Variants in ZBTB20 observed in about 807,000 individuals in gnomAD.
ZBTB20 encodes the protein zinc finger and BTB domain-containing protein 20.
A neutral mutation model predicts 56.9 loss-of-function variants in ZBTB20; 9 were observed. That is an observed-to-expected ratio of 0.16 (90% CI 0.10 to 0.28). ZBTB20 has a LOEUF of 0.28. Among genes scored for constraint, ZBTB20 ranks in the 10% least tolerant of loss-of-function variants. The pLI is 1.00. For missense variants in ZBTB20, 655 were observed against 1,003.0 expected (o/e 0.65, Z 4.69); for synonymous variants, 417 against 420.7 (o/e 0.99, Z 0.11).
At chr3:115,129,820 C>T (rs938593069) in intron 1 of ZBTB20, among the ~76,000 whole-genome samples, 42 of 152,058 alleles carry the variant, frequency 2.8e-4, no homozygotes, top group African/African-American at 9.9e-4. Flanking sequence ...GAAAAATAAA[C>T]GAAGAAATTT....
At chr3:114,800,321 C>G (rs2071621590) in intron 5 of ZBTB20, among the ~76,000 whole-genome samples, 1 of 151,802 alleles carries the variant, frequency 6.6e-6, no homozygotes, top group Admixed American at 6.6e-5. Context: ...GCGTCTGAAT[C>G]TTTTATATGC....
intron 5 of ZBTB20, among the ~76,000 whole-genome samples, chr3:114,694,155 T>C (rs1181178158): frequency 6.6e-6 from 1 of 152,078 alleles, no homozygotes; most frequent in Non-Finnish European, 1.5e-5. Context: ...TAATATTATA[T>C]TCCAAGTCTT....
At chr3:114,591,582 G>T (rs1471307603) in intron 6 of ZBTB20, among the ~76,000 whole-genome samples, 1 of 152,168 alleles carries the variant, frequency 6.6e-6, no homozygotes, top group Admixed American at 6.5e-5. Flanking sequence ...ATGCTCAGGT[G>T]TTTGGTGCTA....
intron 2 of ZBTB20, among the ~76,000 whole-genome samples, chr3:115,058,856 C>A (rs781211856): frequency 6.6e-6 from 1 of 152,148 alleles, no homozygotes; most frequent in Non-Finnish European, 1.5e-5. Flanking sequence ...ATTTGTGTGT[C>A]TGTTTCAATC....
intron 10 of ZBTB20, among the ~76,000 whole-genome samples, chr3:114,374,721 T>C (rs1021986689): frequency 5.3e-5 from 8 of 152,206 alleles, no homozygotes; most frequent in African/African-American, 1.7e-4. Flanking sequence ...TGAATCCAAA[T>C]GAAGCTTTTG....
intron 7 of ZBTB20, among the ~76,000 whole-genome samples, chr3:114,500,099 G>A (rs1045831270): frequency 3.9e-5 from 6 of 152,190 alleles, no homozygotes; most frequent in African/African-American, 1.2e-4. Flanking sequence ...TTTGCAAACA[G>A]CAGCTGCAGC....
intron 2 of ZBTB20, among the ~76,000 whole-genome samples, chr3:115,058,345 T>G (rs576237071): frequency 3.3e-5 from 5 of 152,342 alleles, no homozygotes; most frequent in African/African-American, 1.2e-4. Context: ...TTTAGTATCA[T>G]GTGTCTTGAT....
chr3:114,831,084 C>CT (rs2073813109), intron 4 of ZBTB20, among the ~76,000 whole-genome samples: 1 of 78,670 alleles, frequency 1.3e-5, no homozygotes, highest in African/African-American at 4.5e-5. Flanking sequence ...TGGTTTCTTT[C>CT]TTCTTTTTTT....
chr3:114,972,163 A>C (rs1296060485), intron 3 of ZBTB20, among the ~76,000 whole-genome samples: 1 of 152,212 alleles, frequency 6.6e-6, no homozygotes, highest in Non-Finnish European at 1.5e-5. Flanking sequence ...TTCTAACATT[A>C]GTTGGCAAAA....
chr3:114,518,016 C>T (rs900083366), intron 6 of ZBTB20, among the ~76,000 whole-genome samples: 3 of 152,122 alleles, frequency 2.0e-5, no homozygotes, highest in Non-Finnish European at 4.4e-5. Context: ...ATCTCACAGT[C>T]CGTTCTTTAT....
chr3:114,948,636 CATAGATAG>C (rs370859544), intron 3 of ZBTB20, among the ~76,000 whole-genome samples: 2 of 144,718 alleles, frequency 1.4e-5, no homozygotes, highest in African/African-American at 2.8e-5. Flanking sequence ...CTCTCTGTGT[CATAGATAG>C]ATAGATAGAT....
At chr3:114,886,507 C>T (rs1352191049) in intron 4 of ZBTB20, among the ~76,000 whole-genome samples, 2 of 152,162 alleles carry the variant, frequency 1.3e-5, no homozygotes, top group African/African-American at 2.4e-5. Flanking sequence ...TTACGAAAAA[C>T]ATTTTCTGCA....
chr3:114,644,341 A>C lies in ZBTB20; in HGVS notation c.-295+49187T>G, dbSNP rs187286931. Among the ~76,000 whole-genome samples the C allele has an allele frequency of 1.7e-4, 26 of 152,260 alleles. 1 individual carries two copies. The highest frequency in any genetic ancestry group is 1.7e-3 in the Admixed American group (26 of 15,284). On this transcript the variant is annotated intron_variant, in intron 6 of 11. Transcript: ENST00000675478. ...TTCTTTCTTTCTGGTCCAACTTTAGAGAGAAGAACAAATTTGCCAGTGCCA... is the reference window on the plus strand; with the variant it reads ...TTCTTTCTTTCTGGTCCAACTTTAGCGAGAAGAACAAATTTGCCAGTGCCA...
chr3:114,541,103 C>T (rs1458652382), intron 6 of ZBTB20, among the ~76,000 whole-genome samples: 1 of 152,040 alleles, frequency 6.6e-6, no homozygotes, highest in Non-Finnish European at 1.5e-5. Flanking sequence ...CCCAGATTTA[C>T]TTCTTGTCCA....
chr3:114,629,919 C>T (rs944784698), intron 6 of ZBTB20, among the ~76,000 whole-genome samples: 13 of 152,004 alleles, frequency 8.6e-5, no homozygotes, highest in African/African-American at 2.9e-4. Flanking sequence ...CACTTAGGGC[C>T]GAGGTGGGTC....
At chr3:115,144,462 C>T (rs2107360336) in intron 1 of ZBTB20, among the ~76,000 whole-genome samples, 1 of 152,216 alleles carries the variant, frequency 6.6e-6, no homozygotes, top group South Asian at 2.1e-4. Context: ...TAGTCAAATT[C>T]TTATTAACAG....
chr3:114,708,106 C>A (rs1390560167), intron 5 of ZBTB20, among the ~76,000 whole-genome samples: 1 of 152,070 alleles, frequency 6.6e-6, no homozygotes, highest in Non-Finnish European at 1.5e-5. Flanking sequence ...AAGCAGAATG[C>A]TTGTACAGAA....
intron 6 of ZBTB20, among the ~76,000 whole-genome samples, chr3:114,541,535 C>G (rs1396347290): frequency 6.6e-6 from 1 of 152,080 alleles, no homozygotes; most frequent in African/African-American, 2.4e-5. Context: ...TTCCTGTTTA[C>G]AAATTTGCCC....
chr3:114,893,790 T>A (rs992128217), intron 4 of ZBTB20, among the ~76,000 whole-genome samples: 1 of 152,088 alleles, frequency 6.6e-6, no homozygotes, highest in Non-Finnish European at 1.5e-5. Context: ...TAGCAGACTC[T>A]GGGCATGACT....
Sources: allele counts gnomAD v4.1 joint callset (sites outside exome capture counted in the v4.1 genomes callset), GRCh38; gene constraint gnomAD v4.1.1; transcripts MANE v1.5; gene names NCBI Gene and HGNC (gene_info 2026-07-23, HGNC 2026-07-21).